The following PAK3 variants were observed in gnomAD, a reference collection of about 807,000 sequenced individuals.
The protein encoded by PAK3 is p21 (RAC1) activated kinase 3, also known as serine/threonine-protein kinase PAK 3.
PAK3 carries 4 observed loss-of-function variants against 41.0 expected under a neutral mutation model. That is an observed-to-expected ratio of 0.10 (90% CI 0.05 to 0.22). The LOEUF (loss-of-function observed/expected upper bound fraction) is 0.22, where lower values mean the gene tolerates loss of function less well. Ranked by LOEUF, PAK3 falls within the 10% of genes least tolerant of loss-of-function variation. The pLI, the probability that PAK3 is intolerant of heterozygous loss-of-function variation, is 1.00. For missense variants in PAK3, 205 were observed against 409.9 expected, an observed-to-expected ratio of 0.50 and a Z score of 4.32; for synonymous variants, 146 against 139.6, an observed-to-expected ratio of 1.05 and a Z score of -0.32.
intron 1 of PAK3, among the ~76,000 whole-genome samples, chrX:111,061,946 C>T (rs774153715): frequency 9.1e-6 from 1 of 110,360 alleles, no homozygotes; most frequent in South Asian, 3.9e-4. Context: ...TCCCGAGTAG[C>T]TGGGACTACA....
rs1035858430 is a variant in PAK3 at position 111,221,597 on chromosome X, A to G, written c.*1150A>G. 1 of 112,177 alleles carries G rather than the reference A, an allele frequency of 8.9e-6. No individual in the cohort carries two copies. The highest frequency in any genetic ancestry group is 1.9e-5 in the Non-Finnish European group (1 of 53,184). The allele number at this position is 112,177 out of a possible 1,213,427, so 9.2% of individuals were successfully genotyped here. ...CTTATGATACAAATTATTTATTTTG[A>G]CAATTTATAACGTTTAAAAAAGTTT... is the stretch of plus-strand genomic sequence containing the variant. On this transcript the variant is annotated 3_prime_UTR_variant, in exon 18 of 18. Coordinates refer to ENST00000372007, the MANE Select transcript of PAK3 (RefSeq NM_002578.5).
At chrX:111,167,104 A>G (rs772563355) in intron 10 of PAK3, among the ~76,000 whole-genome samples, 1 of 111,775 alleles carries the variant, frequency 8.9e-6, no homozygotes, top group Non-Finnish European at 1.9e-5. Context: ...TTATTATGCT[A>G]TTTTTACAGA....
chrX:111,163,564 C>A lies in PAK3; in HGVS notation c.603C>A (p.Ile201=). ...GCAGAGCTTTTTGGTTTTTTTAGAT[C>A]TATACTCGTTCTGTGGTTGAATCCA... The part of the protein sequence containing the change: ...IAPRPEHTKS[I]YTRSVVESIA... The change falls in exon 10 of 18, where the codon ATC becomes ATA. Residue 201 remains isoleucine (I), a splice_region_variant and synonymous_variant. Coordinates refer to ENST00000372007, the MANE Select transcript of PAK3 (RefSeq NM_002578.5). The A allele has an allele frequency of 1.7e-6, 2 of 1,202,112 alleles. No homozygotes were observed. The highest frequency in any genetic ancestry group is 3.0e-5 in the East Asian group (1 of 33,757).
At chrX:111,031,677 G>A (rs2092342268) in intron 1 of PAK3, among the ~76,000 whole-genome samples, 1 of 111,147 alleles carries the variant, frequency 9.0e-6, no homozygotes, top group Non-Finnish European at 1.9e-5. Flanking sequence ...TCTTATTTAG[G>A]GGTTACTATC....
intron 1 of PAK3, among the ~76,000 whole-genome samples, chrX:111,065,059 G>T (rs1322234014): frequency 8.9e-6 from 1 of 112,057 alleles, no homozygotes; most frequent in Non-Finnish European, 1.9e-5. Context: ...TCTTTCTCTT[G>T]CCTAATTGCT....
At chrX:111,038,083 T>A (rs1171765674) in intron 1 of PAK3, among the ~76,000 whole-genome samples, 1 of 111,785 alleles carries the variant, frequency 8.9e-6, no homozygotes, top group Non-Finnish European at 1.9e-5. Context: ...AGCCCCAAAC[T>A]CACAGGGTAG....
At chrX:111,094,852 T>A (rs2148863453), upstream of PAK3, among the ~76,000 whole-genome samples, 1 of 109,163 alleles carries the variant, frequency 9.2e-6, no homozygotes, top group South Asian at 4.1e-4. Flanking sequence ...CCATGCCCAG[T>A]TAATTTTTGT....
chrX:111,093,801 G>C (rs1436973996), upstream of PAK3, among the ~76,000 whole-genome samples: 1 of 112,016 alleles, frequency 8.9e-6, no homozygotes, highest in Non-Finnish European at 1.9e-5. Context: ...TGCATAAATA[G>C]CTCTGAGTTA....
At chrX:110,995,306 G>A (rs768459519) in intron 1 of PAK3, among the ~76,000 whole-genome samples, 8 of 111,039 alleles carry the variant, frequency 7.2e-5, no homozygotes, top group Non-Finnish European at 1.1e-4. Context: ...GATCAACTGG[G>A]CCCCCTTTCT....
chrX:111,207,073 C>CGT (rs367846225), intron 16 of PAK3, among the ~76,000 whole-genome samples: 8,358 of 97,214 alleles, frequency 0.086, 835 homozygotes, highest in African/African-American at 0.27. Context: ...TAGATATATA[C>CGT]GTGTGTGTGT....
chrX:111,077,860 A>G (rs753445134), intron 1 of PAK3, among the ~76,000 whole-genome samples: 4 of 112,096 alleles, frequency 3.6e-5, no homozygotes, highest in Admixed American at 9.5e-5. Flanking sequence ...CAACACAGTG[A>G]CGAGACACCC....
At chrX:111,178,047 G>C (rs892103250) in intron 11 of PAK3, among the ~76,000 whole-genome samples, 3 of 111,409 alleles carry the variant, frequency 2.7e-5, no homozygotes, top group Non-Finnish European at 5.7e-5. Flanking sequence ...GAGAGTAGCA[G>C]TTAAGAATCA....
intron 1 of PAK3, among the ~76,000 whole-genome samples, chrX:110,958,233 C>T (rs2090906734): frequency 8.9e-6 from 1 of 112,034 alleles, no homozygotes; most frequent in East Asian, 2.8e-4. Flanking sequence ...GGTCGGAGAC[C>T]ATGCAGAACC....
intron 16 of PAK3, among the ~76,000 whole-genome samples, chrX:111,207,163 C>T (rs1408726296): frequency 2.9e-5 from 3 of 103,119 alleles, no homozygotes; most frequent in African/African-American, 7.2e-5. Flanking sequence ...TACATATTTA[C>T]ATATATATGT....
rs764305834 is a variant in PAK3 at position 111,223,223 on chromosome X, A to G, written c.*2776A>G. 5.4e-5 allele frequency: 6 copies of G among 111,031 alleles called. No individual in the cohort carries two copies. The East Asian group carries it at 1.7e-3, about 31-fold the overall frequency. The allele number at this position is 111,031 out of a possible 1,213,427, so 9.2% of individuals were successfully genotyped here. A position where few individuals can be genotyped will look rare whatever the true frequency, so the allele number is the denominator to read the frequency against. ...CTGAGATAACGAGGGCACATCTTTC[A>G]ATGTTGATTCCAAAATGTCCTGAGT... On this transcript the variant is annotated 3_prime_UTR_variant, in exon 18 of 18. Coordinates refer to ENST00000372007, the MANE Select transcript of PAK3 (RefSeq NM_002578.5).
At chrX:111,205,032 C>T (rs140490161) in intron 16 of PAK3, among the ~76,000 whole-genome samples, 2,524 of 103,757 alleles carry the variant, frequency 0.024, 54 homozygotes, top group South Asian at 0.12. Context: ...ACCAACTGTT[C>T]GCATTATGCG....
intron 1 of PAK3, among the ~76,000 whole-genome samples, chrX:110,993,553 A>G (rs2148673529): frequency 9.0e-6 from 1 of 111,716 alleles, no homozygotes; most frequent in South Asian, 3.8e-4. Context: ...TCTCTGGAGA[A>G]CTTCTGCTGG....
At chrX:111,020,332 A>C (rs1333635499) in intron 1 of PAK3, among the ~76,000 whole-genome samples, 1 of 112,212 alleles carries the variant, frequency 8.9e-6, no homozygotes, top group Non-Finnish European at 1.9e-5. Context: ...CATTTGTATA[A>C]AGTACTTAGA....
At chrX:110,951,818 G>A (rs767637008) in intron 1 of PAK3, among the ~76,000 whole-genome samples, 2 of 112,549 alleles carry the variant, frequency 1.8e-5, no homozygotes, top group East Asian at 5.6e-4. Flanking sequence ...TGACCATTTA[G>A]GGTCATCTCT....
Sources: allele counts gnomAD v4.1 joint callset (sites outside exome capture counted in the v4.1 genomes callset), GRCh38; gene constraint gnomAD v4.1.1; transcripts MANE v1.5; gene names NCBI Gene and HGNC (gene_info 2026-07-23, HGNC 2026-07-21).